The following CFAP92 variants were observed in gnomAD, a reference collection of about 807,000 sequenced individuals.
CFAP92 encodes cilia and flagella associated protein 92 (putative).
Under a neutral mutation model 106.3 loss-of-function variants are expected in CFAP92, and 86 were observed. That is an observed-to-expected ratio of 0.81 (90% CI 0.68 to 0.97). The LOEUF is 0.97. CFAP92 is among the 50% of genes least tolerant of loss of function. CFAP92 has a pLI of 0.00. For synonymous variants in CFAP92, 477 were observed against 506.4 expected (o/e 0.94, Z 0.78); for missense variants, 1,204 against 1,283.8 (o/e 0.94, Z 0.95).
At chr3:128,970,865 C>CA in intron 8 of CFAP92, 1 of 181,404 alleles carries the variant, frequency 5.5e-6, no homozygotes, top group Non-Finnish European at 1.2e-5. Flanking sequence ...TGATGTGTCA[C>CA]ACGGGAAGTG....
chr3:128,982,900 A>G (rs894123606), intron 4 of CFAP92, among the ~76,000 whole-genome samples: 1 of 152,226 alleles, frequency 6.6e-6, no homozygotes, highest in African/African-American at 2.4e-5. Context: ...TGGCACCTCC[A>G]AACATTTACA....
In CFAP92 at chr3:128,915,228, C is replaced by T; in HGVS notation, c.3171G>A (p.Leu1057=). Residue 1057 remains leucine, a synonymous_variant, in exon 15 of 16, where the codon TTG becomes TTA. Coordinates refer to ENST00000645291, the MANE Select transcript of CFAP92 (RefSeq NM_001394090.1). ...SLFANVLEPV[L]DRDRWSWDRH... The stretch of plus-strand genomic sequence containing the variant: ...TGTCCCAGCTCCACCTGTCTCGATC[C>T]AACACAGGCTCCAGTACATTAGCAA... 6.5e-7 allele frequency: 1 copy of T among 1,536,116 alleles called. No individual in the cohort carries two copies. The highest frequency in any genetic ancestry group is 8.7e-7 in the Non-Finnish European group (1 of 1,146,920).
intron 7 of CFAP92, among the ~76,000 whole-genome samples, chr3:128,975,424 TAGGGATGGATGG>T: frequency 7.4e-6 from 1 of 134,282 alleles, no homozygotes. Flanking sequence ...GATGGATGGA[TAGGGATGGATGG>T]ATGGATGGAT....
At chr3:128,956,286 A>C (rs552909073) in intron 9 of CFAP92, among the ~76,000 whole-genome samples, 5 of 151,388 alleles carry the variant, frequency 3.3e-5, no homozygotes, top group African/African-American at 1.2e-4. Context: ...GAAAAAAGAC[A>C]CAAAAATCAA....
intron 4 of CFAP92, among the ~76,000 whole-genome samples, chr3:128,981,678 ACTAT>A (rs746241973): frequency 1.8e-4 from 27 of 152,208 alleles, no homozygotes; most frequent in Non-Finnish European, 2.5e-4. Flanking sequence ...CAAAGGAATC[ACTAT>A]CTATGGAAGC....
At chr3:128,999,047 G>A (rs1359644823), upstream of CFAP92, among the ~76,000 whole-genome samples, 3 of 152,038 alleles carry the variant, frequency 2.0e-5, no homozygotes, top group Admixed American at 6.5e-5. Context: ...GCATTTTCCC[G>A]GACCTTTAAA....
At chr3:128,910,594 A>C (rs1936176879) in intron 15 of CFAP92, 1 of 906,500 alleles carries the variant, frequency 1.1e-6, no homozygotes, top group African/African-American at 1.6e-5. Context: ...TCAGGGCTGG[A>C]ATTAGAACCC....
chr3:128,963,971 T>G (rs1389045856), intron 9 of CFAP92, among the ~76,000 whole-genome samples: 1 of 152,198 alleles, frequency 6.6e-6, no homozygotes, highest in Non-Finnish European at 1.5e-5. Context: ...AAATAGACAC[T>G]TTCACTGAAT....
chr3:128,927,913 C>A (rs1937872605), intron 12 of CFAP92, among the ~76,000 whole-genome samples: 1 of 151,938 alleles, frequency 6.6e-6, no homozygotes, highest in Non-Finnish European at 1.5e-5. Context: ...TTGGCAACCC[C>A]AAAATTGTTA....
Position 128,945,502 on chromosome 3 carries a change from C to G in CFAP92, c.1827G>C (p.Gly609=), listed in dbSNP as rs772792073. 28 of 1,536,076 alleles carry G rather than the reference C, an allele frequency of 1.8e-5. No homozygotes were observed. The highest frequency in any genetic ancestry group is 2.4e-5 in the Non-Finnish European group (28 of 1,146,906). The part of the protein sequence containing the change: ...DSRRRKVVGL[G]VPRDGHQHGP... ...CGTGCTGGTGGCCATCTCTGGGGAC[C>G]CCAAGCCCCACAACCTTCCTTCTCC... Residue 609 remains glycine, a synonymous_variant, in exon 10 of 16, where the codon GGG becomes GGC. Transcript: ENST00000645291.
chr3:129,018,632 G>T, the CFAP92 span, among the ~76,000 whole-genome samples: 2 of 152,212 alleles, frequency 1.3e-5, no homozygotes, highest in African/African-American at 4.8e-5. Context: ...TTGGTGACCA[G>T]CAATTCCAAC....
rs1285733524 is a variant in CFAP92, at chr3:128,971,349, A to C, written c.1106T>G (p.Leu369Arg). The change falls in exon 8 of 16, where the codon CTG becomes CGG. Residue 369 changes from leucine to arginine, a missense_variant. Physicochemically the swap from Leu to Arg is moderately radical, Grantham distance 102 (BLOSUM62 -2). Coordinates refer to ENST00000645291, the MANE Select transcript of CFAP92 (RefSeq NM_001394090.1). Reference sequence around the variant, plus strand: ...AGCGCTCTGCTTCCTGGGGCCTGTCAGCGTGGGGTCTGCCTCTTCTTCTGC... The same window carrying C: ...AGCGCTCTGCTTCCTGGGGCCTGTCCGCGTGGGGTCTGCCTCTTCTTCTGC... ...PLAEEEADPT[L>R]TGPRKQSAFS... 6.2e-6 allele frequency: 10 copies of C among 1,613,532 alleles called. No homozygotes were observed. Among genetic ancestry groups the C allele is most frequent in the Non-Finnish European group, 8.5e-6 (10 of 1,179,770 alleles).
chr3:128,952,203 T>C lies in CFAP92; in HGVS notation c.1354-6228A>G, dbSNP rs1309538122. ...TGGAGTGCAGTGGTGCAATCATAGC[T>C]CACTGCAGCCTCAGCCTCCTGGGTT... is the stretch of plus-strand genomic sequence containing the variant. On this transcript the variant is annotated intron_variant, in intron 9 of 15. Transcript: ENST00000645291. Among the ~76,000 whole-genome samples, 4 of 150,626 alleles carry C rather than the reference T, an allele frequency of 2.7e-5. No individual in the cohort carries two copies. In the East Asian group the frequency reaches 7.8e-4, roughly 29 times the overall value.
the CFAP92 span, among the ~76,000 whole-genome samples, chr3:129,008,204 C>T: frequency 6.6e-6 from 1 of 152,206 alleles, no homozygotes; most frequent in African/African-American, 2.4e-5. Context: ...AACAAAACCC[C>T]AAGACCAATA....
At chr3:128,950,274 C>T (rs1434835201) in intron 9 of CFAP92, among the ~76,000 whole-genome samples, 1 of 152,156 alleles carries the variant, frequency 6.6e-6, no homozygotes, top group Admixed American at 6.5e-5. Flanking sequence ...CAGGGGTTCC[C>T]ACCAACGCCC....
At chr3:128,967,143 C>T (rs544510008) in intron 8 of CFAP92, 34 of 151,558 alleles carry the variant, frequency 2.2e-4, no homozygotes, top group African/African-American at 7.6e-4. Context: ...AAAGATCAGT[C>T]TATTCCTTTC....
At chr3:128,938,995 C>A in intron 10 of CFAP92, among the ~76,000 whole-genome samples, 1 of 152,172 alleles carries the variant, frequency 6.6e-6, no homozygotes, top group East Asian at 1.9e-4. Flanking sequence ...GATCAACATT[C>A]AAAAATCACG....
chr3:128,984,526 G>T (rs1000316873), intron 4 of CFAP92, among the ~76,000 whole-genome samples: 2 of 152,102 alleles, frequency 1.3e-5, no homozygotes, highest in Non-Finnish European at 2.9e-5. Context: ...GTGGTTTGCC[G>T]GGGGGCTCTC....
chr3:128,921,360 A>C (rs1486208023), intron 12 of CFAP92, among the ~76,000 whole-genome samples: 2 of 152,258 alleles, frequency 1.3e-5, no homozygotes, highest in East Asian at 3.8e-4. Flanking sequence ...AGTGAAAGCA[A>C]ACATTCTGCT....
Sources: gnomAD v4.1 joint callset for allele counts (sites outside exome capture counted in the v4.1 genomes callset) on GRCh38, gnomAD v4.1.1 for gene constraint, MANE v1.5 for transcripts, NCBI Gene and HGNC (gene_info 2026-07-23, HGNC 2026-07-21) for gene names.